CAST: variants seen among roughly 807,000 people sequenced by gnomAD.
CAST encodes the protein MIR583 host.
CAST carries 76 observed loss-of-function variants against 119.6 expected under a neutral mutation model. The ratio of observed to expected loss-of-function variants is 0.64; its 90% CI spans 0.53 to 0.77. The LOEUF is 0.77. CAST is among the 30% of genes least tolerant of loss of function. The pLI, the probability that CAST is intolerant of heterozygous loss-of-function variation, is 0.00. For missense variants in CAST, 953 were observed against 946.5 expected (o/e 1.01, Z -0.09); for synonymous variants, 319 against 331.6 (o/e 0.96, Z 0.41).
chr5:96,077,829 C>A, the CAST span, among the ~76,000 whole-genome samples: 1 of 152,158 alleles, frequency 6.6e-6, no homozygotes, highest in Non-Finnish European at 1.5e-5. Flanking sequence ...GCCAAATAAA[C>A]CCCTTTTCTT....
At chr5:96,334,983 C>G in the CAST span, among the ~76,000 whole-genome samples, 1 of 152,316 alleles carries the variant, frequency 6.6e-6, no homozygotes, top group African/African-American at 2.4e-5. Flanking sequence ...TTATCGTCCT[C>G]CAATTTCAGA....
intron 2 of CAST, among the ~76,000 whole-genome samples, chr5:96,686,470 C>T (rs1199833995): frequency 6.6e-6 from 1 of 152,094 alleles, no homozygotes; most frequent in Non-Finnish European, 1.5e-5. Context: ...TCCCTGTCAT[C>T]AGTGTGGGGG....
At chr5:96,429,724 G>C in the CAST span, among the ~76,000 whole-genome samples, 2 of 152,090 alleles carry the variant, frequency 1.3e-5, no homozygotes, top group Admixed American at 6.6e-5. Flanking sequence ...TTCTGTTCCT[G>C]TGTTAGTTTG....
rs10038889 is a variant in CAST at position 96,583,779 on chromosome 5, G to A, written c.60+53899G>A. Among the ~76,000 whole-genome samples, 896 of 152,266 alleles carry A rather than the reference G, an allele frequency of 5.9e-3. 11 individuals are homozygous for A. The highest frequency in any genetic ancestry group is 0.02 in the African/African-American group (832 of 41,560). ...GTGCATCTATTTATGTCATATACTC[G>A]TCAAAAAGACATTTGTATTGTTACT... is the stretch of plus-strand genomic sequence containing the variant. On this transcript the variant is annotated intron_variant, in intron 1 of 11. Coordinates refer to the CAST transcript ENST00000505143.
At chr5:96,305,686 C>T in the CAST span, among the ~76,000 whole-genome samples, 3 of 152,056 alleles carry the variant, frequency 2.0e-5, no homozygotes, top group East Asian at 5.8e-4. Context: ...TTGTCGAAGG[C>T]CTTTTCTGCA....
chr5:96,094,294 G>C, the CAST span, among the ~76,000 whole-genome samples: 1 of 152,254 alleles, frequency 6.6e-6, no homozygotes, highest in African/African-American at 2.4e-5. Flanking sequence ...TTGGCATTGA[G>C]AGAGTGGCAT....
the CAST span, among the ~76,000 whole-genome samples, chr5:96,439,149 T>C: frequency 7.2e-5 from 11 of 152,214 alleles, no homozygotes; most frequent in Non-Finnish European, 1.3e-4. Context: ...CTTCAACTTA[T>C]CAAGTAACGG....
chr5:96,388,357 T>A, the CAST span, among the ~76,000 whole-genome samples: 1 of 152,236 alleles, frequency 6.6e-6, no homozygotes, highest in Non-Finnish European at 1.5e-5. Context: ...GGTTCCAGAA[T>A]GTGGTTTTGA....
At chr5:96,213,884 T>G in the CAST span, 1 of 152,206 alleles carries the variant, frequency 6.6e-6, no homozygotes, top group Non-Finnish European at 1.5e-5. Flanking sequence ...TAACCATGTT[T>G]TCCAGTTTTA....
chr5:96,661,730 G>C (rs777842891), upstream of CAST, among the ~76,000 whole-genome samples: 1 of 152,232 alleles, frequency 6.6e-6, no homozygotes, highest in Non-Finnish European at 1.5e-5. Flanking sequence ...GACTATAAGG[G>C]TTTAAATTTG....
rs142829802 is a variant in CAST at position 96,576,041 on chromosome 5, C to T, written c.60+46161C>T. 7.2e-5 allele frequency among the ~76,000 whole-genome samples: 11 copies of T among 152,308 alleles called. No individual in the cohort carries two copies. In the East Asian group the frequency reaches 2.1e-3, roughly 29 times the overall value. On this transcript the variant is annotated intron_variant, in intron 1 of 11. Coordinates refer to the CAST transcript ENST00000505143. ...ATTGATTTGGGAATGAGGAACCAGCCTTGCATACCCAGAATAAGTCCCACA... is the reference window on the plus strand; with the variant it reads ...ATTGATTTGGGAATGAGGAACCAGCTTTGCATACCCAGAATAAGTCCCACA...
chr5:96,516,644 A>G, the CAST span, among the ~76,000 whole-genome samples: 1 of 152,340 alleles, frequency 6.6e-6, no homozygotes, highest in South Asian at 2.1e-4. Context: ...CCCCGCTATC[A>G]AAAAATTGTC....
chr5:96,593,151 G>C (rs1203924525), intron 1 of CAST, among the ~76,000 whole-genome samples: 1 of 152,216 alleles, frequency 6.6e-6, no homozygotes, highest in African/African-American at 2.4e-5. Context: ...TCAAACTGCT[G>C]TCGTCCCCCA....
At chr5:96,200,899 T>C in the CAST span, among the ~76,000 whole-genome samples, 1 of 152,140 alleles carries the variant, frequency 6.6e-6, no homozygotes, top group African/African-American at 2.4e-5. Context: ...TCTGATCTAC[T>C]ATAAAACTAT....
At chr5:96,126,844 T>C in the CAST span, among the ~76,000 whole-genome samples, 4 of 152,238 alleles carry the variant, frequency 2.6e-5, no homozygotes, top group African/African-American at 9.6e-5. Context: ...AAGGTTAAGA[T>C]CACAAAATTA....
intron 25 of CAST, chr5:96,763,272 C>T (rs753444568): frequency 2.6e-6 from 2 of 780,458 alleles, no homozygotes; most frequent in Admixed American, 3.4e-5. Flanking sequence ...CAGACCTGGC[C>T]CCGGGCAGCT....
At chr5:96,684,870 G>A (rs1050824189) in intron 2 of CAST, among the ~76,000 whole-genome samples, 1 of 151,870 alleles carries the variant, frequency 6.6e-6, no homozygotes. Context: ...ATGCCAGACC[G>A]TATGCATCAC....
chr5:96,234,316 A>G, the CAST span, among the ~76,000 whole-genome samples: 1 of 152,226 alleles, frequency 6.6e-6, no homozygotes, highest in African/African-American at 2.4e-5. Context: ...AGGCCGTAGT[A>G]GGGAATGCGG....
intron 1 of CAST, among the ~76,000 whole-genome samples, chr5:96,570,647 T>C (rs1240471228): frequency 6.6e-6 from 1 of 152,186 alleles, no homozygotes. Context: ...ATGTAGAGTG[T>C]GCCCTATAGC....
Sources: gnomAD v4.1 joint callset for allele counts (sites outside exome capture counted in the v4.1 genomes callset) on GRCh38, gnomAD v4.1.1 for gene constraint, MANE v1.5 for transcripts, NCBI Gene and HGNC (gene_info 2026-07-23, HGNC 2026-07-21) for gene names.